HS6ST3: variants seen among roughly 807,000 people sequenced by gnomAD.
The protein encoded by HS6ST3 is heparan sulfate 6-O-sulfotransferase 3.
HS6ST3 carries 12 observed loss-of-function variants against 36.7 expected under a neutral mutation model. The ratio of observed to expected loss-of-function variants is 0.33; its 90% CI spans 0.21 to 0.53. The LOEUF (loss-of-function observed/expected upper bound fraction) is 0.53. Among genes scored for constraint, HS6ST3 ranks in the 20% least tolerant of loss-of-function variants. The probability of loss-of-function intolerance (pLI) is 0.95; values close to 1 mark genes in which losing one functional copy is unlikely to be tolerated. For missense variants in HS6ST3, 584 were observed against 640.9 expected (o/e 0.91, Z 0.96); for synonymous variants, 240 against 257.5 (o/e 0.93, Z 0.65).
intron 1 of HS6ST3, among the ~76,000 whole-genome samples, chr13:96,186,774 C>G (rs1365185139): frequency 6.6e-6 from 1 of 152,186 alleles, no homozygotes; most frequent in Non-Finnish European, 1.5e-5. Context: ...GGATAAGTCT[C>G]TTTTGCTGTT....
chr13:96,370,007 G>A (rs2055281851), intron 1 of HS6ST3, among the ~76,000 whole-genome samples: 1 of 152,044 alleles, frequency 6.6e-6, no homozygotes, highest in Non-Finnish European at 1.5e-5. Context: ...ACTTCTCTCT[G>A]GCCCCAGTTT....
At chr13:96,795,051 T>TA (rs1877876562) in intron 1 of HS6ST3, among the ~76,000 whole-genome samples, 1 of 152,070 alleles carries the variant, frequency 6.6e-6, no homozygotes, top group Non-Finnish European at 1.5e-5. Context: ...CTGTCTGGTT[T>TA]AAAAATATGT....
At chr13:96,447,426 G>C (rs2055704385) in intron 1 of HS6ST3, among the ~76,000 whole-genome samples, 1 of 152,188 alleles carries the variant, frequency 6.6e-6, no homozygotes, top group African/African-American at 2.4e-5. Flanking sequence ...CAGATAGTTA[G>C]GAAAAGGGGT....
At chr13:96,688,273 A>G (rs1457979176) in intron 1 of HS6ST3, among the ~76,000 whole-genome samples, 1 of 151,666 alleles carries the variant, frequency 6.6e-6, no homozygotes, top group Non-Finnish European at 1.5e-5. Flanking sequence ...CAAATTTGTC[A>G]ACAAATGCCT....
At position 96,702,566 on chromosome 13, in the gene HS6ST3, G is replaced by T. The variant is rs576687689; in HGVS notation, c.708-129924G>T. On this transcript the variant is annotated intron_variant, in intron 1 of 1. Transcript: ENST00000376705. ...AGTGCGGATCATCTACTTTTTTCTTGTTGGCACTACCTTGGGTATCAGCAC... is the reference window on the plus strand; with the variant it reads ...AGTGCGGATCATCTACTTTTTTCTTTTTGGCACTACCTTGGGTATCAGCAC... 3.9e-5 allele frequency among the ~76,000 whole-genome samples: 6 copies of T among 152,236 alleles called. No homozygotes were observed. In the East Asian group the frequency reaches 1.2e-3, roughly 29 times the overall value.
chr13:96,333,251 T>C (rs2055081732), intron 1 of HS6ST3, among the ~76,000 whole-genome samples: 1 of 152,216 alleles, frequency 6.6e-6, no homozygotes, highest in East Asian at 1.9e-4. Flanking sequence ...TAACTGCATA[T>C]TATGACATCT....
intron 1 of HS6ST3, among the ~76,000 whole-genome samples, chr13:96,688,747 C>T (rs476728): frequency 0.99 from 149,888 of 152,168 alleles, 73,860 homozygotes; most frequent in Middle Eastern, 1. Flanking sequence ...ATAAGCTGCC[C>T]ATCATCATGC....
intron 1 of HS6ST3, among the ~76,000 whole-genome samples, chr13:96,432,521 T>G (rs1032561198): frequency 6.6e-6 from 1 of 152,206 alleles, no homozygotes; most frequent in Non-Finnish European, 1.5e-5. Context: ...AGTTATTTAC[T>G]GTTTTGTGGC....
chr13:96,574,203 C>G, intron 1 of HS6ST3: 2 of 506,982 alleles, frequency 3.9e-6, no homozygotes, highest in Non-Finnish European at 8.0e-6. Context: ...TGCTCTGTCT[C>G]CCTCCATACT....
At chr13:96,218,183 C>T (rs2054436598) in intron 1 of HS6ST3, among the ~76,000 whole-genome samples, 1 of 152,136 alleles carries the variant, frequency 6.6e-6, no homozygotes, top group Admixed American at 6.5e-5. Flanking sequence ...ATCTCTGTGT[C>T]CCCAGAGAGA....
At chr13:96,584,306 G>C (rs1035546330) in intron 1 of HS6ST3, among the ~76,000 whole-genome samples, 5 of 152,122 alleles carry the variant, frequency 3.3e-5, no homozygotes, top group African/African-American at 4.8e-5. Context: ...ACCACCCCCA[G>C]CTAATTTTTG....
intron 1 of HS6ST3, among the ~76,000 whole-genome samples, chr13:96,723,082 A>G (rs1423900256): frequency 6.6e-6 from 1 of 151,842 alleles, no homozygotes; most frequent in African/African-American, 2.4e-5. Flanking sequence ...CTCATTGTAT[A>G]CCCAATGTCT....
At chr13:96,394,254 G>A (rs1810932161) in intron 1 of HS6ST3, among the ~76,000 whole-genome samples, 1 of 151,730 alleles carries the variant, frequency 6.6e-6, no homozygotes, top group African/African-American at 2.4e-5. Context: ...TGCCTACTGA[G>A]AGGAGTGCTT....
chr13:96,491,991 GC>G (rs1413858922), intron 1 of HS6ST3, among the ~76,000 whole-genome samples: 1 of 151,930 alleles, frequency 6.6e-6, no homozygotes, highest in African/African-American at 2.4e-5. Flanking sequence ...TTGTTTTCTG[GC>G]CCCCCACAAT....
intron 1 of HS6ST3, among the ~76,000 whole-genome samples, chr13:96,564,163 AT>A (rs2138957343): frequency 1.3e-5 from 2 of 152,338 alleles, no homozygotes; most frequent in South Asian, 4.1e-4. Flanking sequence ...AGCATGAGTA[AT>A]TAGGCAACTT....
intron 1 of HS6ST3, among the ~76,000 whole-genome samples, chr13:96,397,128 CA>C (rs1186589035): frequency 6.6e-6 from 1 of 152,146 alleles, no homozygotes; most frequent in Non-Finnish European, 1.5e-5. Flanking sequence ...CGCTTGAACC[CA>C]GGGGCAGAGG....
At chr13:96,238,658 C>G (rs1249555267) in intron 1 of HS6ST3, among the ~76,000 whole-genome samples, 2 of 152,192 alleles carry the variant, frequency 1.3e-5, no homozygotes, top group Non-Finnish European at 2.9e-5. Context: ...TAGGATTATG[C>G]ATATTTGTGT....
At chr13:96,652,385 C>T (rs889589928) in intron 1 of HS6ST3, among the ~76,000 whole-genome samples, 114 of 151,832 alleles carry the variant, frequency 7.5e-4, no homozygotes, top group African/African-American at 2.7e-3. Context: ...TCTTTCCTCC[C>T]TCCCTTCCTT....
chr13:96,364,001 G>T (rs1010153004), intron 1 of HS6ST3, among the ~76,000 whole-genome samples: 1 of 151,688 alleles, frequency 6.6e-6, no homozygotes, highest in Non-Finnish European at 1.5e-5. Context: ...TGTTTATTTC[G>T]GTAAATATTG....
Sources: gnomAD v4.1 joint callset for allele counts (sites outside exome capture counted in the v4.1 genomes callset) on GRCh38, gnomAD v4.1.1 for gene constraint, MANE v1.5 for transcripts, NCBI Gene and HGNC (gene_info 2026-07-23, HGNC 2026-07-21) for gene names.